RBL2: variants seen among roughly 807,000 people sequenced by gnomAD.
The protein encoded by RBL2 is RB transcriptional corepressor like 2.
A neutral mutation model predicts 126.0 loss-of-function variants in RBL2; 56 were observed. That is an observed-to-expected ratio of 0.44 (90% CI 0.36 to 0.56). The LOEUF (loss-of-function observed/expected upper bound fraction) is 0.56, where lower values mean the gene tolerates loss of function less well. Ranked by LOEUF, RBL2 falls within the 20% of genes least tolerant of loss-of-function variation. The pLI is 0.00. For missense variants in RBL2, 1,229 were observed against 1,398.2 expected, an observed-to-expected ratio of 0.88 and a Z score of 1.93; for synonymous variants, 454 against 478.5, an observed-to-expected ratio of 0.95 and a Z score of 0.67.
At chr16:53,485,885 C>G (rs919590760) in intron 21 of RBL2, among the ~76,000 whole-genome samples, 3 of 150,374 alleles carry the variant, frequency 2.0e-5, no homozygotes, top group Non-Finnish European at 2.9e-5. Flanking sequence ...AAAAAACCAC[C>G]TAGGTATTTT....
At chr16:53,437,559 T>C (rs2057970244) in intron 1 of RBL2, among the ~76,000 whole-genome samples, 1 of 152,156 alleles carries the variant, frequency 6.6e-6, no homozygotes, top group Non-Finnish European at 1.5e-5. Context: ...CCTTAAAAAT[T>C]ATTATTTTTG....
chr16:53,479,540 C>G (rs17801498), intron 18 of RBL2: 223,324 of 461,670 alleles, frequency 0.48, 59,306 homozygotes, highest in African/African-American at 0.81. Context: ...GTTTAACCAA[C>G]AGAATGTCAC....
intron 2 of RBL2, among the ~76,000 whole-genome samples, chr16:53,439,583 A>G (rs537207030): frequency 5.9e-5 from 9 of 152,244 alleles, no homozygotes; most frequent in Non-Finnish European, 1.3e-4. Flanking sequence ...TTTGGAGGAT[A>G]AATGACATGA....
intron 17 of RBL2, among the ~76,000 whole-genome samples, chr16:53,472,263 T>A (rs1960549741): frequency 6.6e-6 from 1 of 152,190 alleles, no homozygotes; most frequent in African/African-American, 2.4e-5. Context: ...TTTTCAGTCC[T>A]TTTGAGTTTA....
intron 17 of RBL2, among the ~76,000 whole-genome samples, chr16:53,471,774 A>T (rs889767330): frequency 2.0e-5 from 3 of 152,148 alleles, no homozygotes; most frequent in South Asian, 4.1e-4. Context: ...CAGCCAAATT[A>T]ACTATTTTAA....
chr16:53,456,982 C>T (rs1598103742), intron 8 of RBL2, among the ~76,000 whole-genome samples: 3 of 152,208 alleles, frequency 2.0e-5, no homozygotes, highest in South Asian at 4.1e-4. Context: ...ATAAGCTTCA[C>T]CAAGGCTGTG....
At chr16:53,479,556 A>G in intron 18 of RBL2, 1 of 456,220 alleles carries the variant, frequency 2.2e-6, no homozygotes, top group Admixed American at 3.9e-5. Flanking sequence ...GTCACATGGA[A>G]ATTTAAAACC....
chr16:53,441,733 A>G (rs548782645), intron 2 of RBL2, among the ~76,000 whole-genome samples: 4 of 152,304 alleles, frequency 2.6e-5, no homozygotes, highest in African/African-American at 7.2e-5. Context: ...ATTAAGACCA[A>G]CTTTAGAATG....
intron 17 of RBL2, among the ~76,000 whole-genome samples, chr16:53,475,616 A>T (rs560286152): frequency 6.6e-6 from 1 of 152,046 alleles, no homozygotes; most frequent in East Asian, 1.9e-4. Context: ...TTTTGGTTTC[A>T]TTTATCTATT....
chr16:53,485,848 C>T (rs1961145886), intron 21 of RBL2, among the ~76,000 whole-genome samples: 1 of 145,154 alleles, frequency 6.9e-6, no homozygotes, highest in Non-Finnish European at 1.5e-5. Flanking sequence ...AGAATGAGAC[C>T]ATCTAAAAAA....
chr16:53,473,994 C>T (rs991002197), intron 17 of RBL2, among the ~76,000 whole-genome samples: 2 of 152,010 alleles, frequency 1.3e-5, no homozygotes, highest in Non-Finnish European at 2.9e-5. Context: ...AAATCCCTCT[C>T]AGTCATGGTG....
chr16:53,473,497 T>C (rs2150817454), intron 17 of RBL2, among the ~76,000 whole-genome samples: 1 of 151,510 alleles, frequency 6.6e-6, no homozygotes, highest in South Asian at 2.1e-4. Context: ...AAAACACTTT[T>C]GTATATTGAT....
intron 17 of RBL2, among the ~76,000 whole-genome samples, chr16:53,474,176 T>C (rs1469872035): frequency 2.0e-5 from 3 of 152,144 alleles, no homozygotes; most frequent in Non-Finnish European, 4.4e-5. Flanking sequence ...AAATTTTTTG[T>C]AGACAGGGTC....
At chr16:53,486,074 G>C (rs1415909287) in intron 21 of RBL2, among the ~76,000 whole-genome samples, 1 of 149,002 alleles carries the variant, frequency 6.7e-6, no homozygotes, top group South Asian at 2.1e-4. Context: ...AAGGATCCTT[G>C]AGCCCAGTAG....
intron 2 of RBL2, among the ~76,000 whole-genome samples, chr16:53,439,446 A>G (rs2057992906): frequency 6.6e-6 from 1 of 152,224 alleles, no homozygotes; most frequent in African/African-American, 2.4e-5. Flanking sequence ...GGATATTGAG[A>G]AACTTTAGGA....
intron 17 of RBL2, among the ~76,000 whole-genome samples, chr16:53,475,032 T>C (rs898105697): frequency 4.6e-5 from 7 of 152,224 alleles, no homozygotes; most frequent in Non-Finnish European, 1.0e-4. Context: ...CCGTCTCTTA[T>C]TTGTTATAGG....
chr16:53,465,620 C>A lies in RBL2; in HGVS notation c.1863+18C>A. 6.6e-7 allele frequency: 1 copy of A among 1,521,248 alleles called. No homozygotes were observed. Among genetic ancestry groups the A allele is most frequent in the Non-Finnish European group, 8.8e-7 (1 of 1,135,472 alleles). The allele number at this position is 1,521,248 out of a possible 1,614,324, so 94.2% of individuals were successfully genotyped here. Reference sequence around the variant, plus strand: ...GTGAAGAGGTTTGTGAAAATAACATCTTTTTATGAGAAAAATACATCAATA... The same window carrying A: ...GTGAAGAGGTTTGTGAAAATAACATATTTTTATGAGAAAAATACATCAATA... On this transcript the variant is annotated intron_variant, in intron 13 of 21. Coordinates refer to ENST00000262133, the MANE Select transcript of RBL2 (RefSeq NM_005611.4).
chr16:53,460,508 T>G (rs1287203746), intron 9 of RBL2, among the ~76,000 whole-genome samples: 4 of 152,234 alleles, frequency 2.6e-5, no homozygotes, highest in African/African-American at 9.6e-5. Context: ...TGCACCTTGT[T>G]TGCCTTGAAT....
intron 2 of RBL2, among the ~76,000 whole-genome samples, chr16:53,440,924 A>G (rs1476836381): frequency 6.7e-5 from 10 of 148,280 alleles, no homozygotes; most frequent in African/African-American, 2.2e-4. Flanking sequence ...ACAGGGAAAC[A>G]GGAACTCTAT....
Sources: gnomAD v4.1 joint callset for allele counts (sites outside exome capture counted in the v4.1 genomes callset) on GRCh38, gnomAD v4.1.1 for gene constraint, MANE v1.5 for transcripts, NCBI Gene and HGNC (gene_info 2026-07-23, HGNC 2026-07-21) for gene names.